The following CENPT variants were observed in gnomAD, a reference collection of about 807,000 sequenced individuals.
CENPT encodes centromere protein T.
A neutral mutation model predicts 59.7 loss-of-function variants in CENPT; 42 were observed. The ratio of observed to expected loss-of-function variants is 0.70; its 90% CI spans 0.55 to 0.91. The LOEUF is 0.91. Ranked by LOEUF, CENPT falls within the 40% of genes least tolerant of loss-of-function variation. CENPT has a pLI of 0.00. For missense variants in CENPT, 716 were observed against 713.4 expected (o/e 1.00, Z -0.04); for synonymous variants, 295 against 289.6 (o/e 1.02, Z -0.19).
intron 1 of CENPT, among the ~76,000 whole-genome samples, chr16:67,839,888 C>T (rs1007056955): frequency 6.6e-6 from 1 of 152,072 alleles, no homozygotes; most frequent in Non-Finnish European, 1.5e-5. Context: ...TAAATAAATA[C>T]ATAAGTAAAA....
intron 1 of CENPT, among the ~76,000 whole-genome samples, chr16:67,840,939 T>C (rs1321711636): frequency 6.7e-6 from 1 of 149,694 alleles, no homozygotes; most frequent in Non-Finnish European, 1.5e-5. Context: ...GCGAGCAGAT[T>C]GCCTGAGCTC....
chr16:67,842,983 C>A lies in CENPT; in HGVS notation c.-492+4418G>T. On this transcript the variant is annotated intron_variant, in intron 1 of 15. Coordinates refer to ENST00000562787, the MANE Select transcript of CENPT (RefSeq NM_025082.4). This position sits in a 1 kb window ranked among gnomAD's most constrained non-coding sequence, Gnocchi z 4.9. ...CCTCTGCCTCCACTGCCCAGACTGC[C>A]CAGCTGCAGCCGAACCTGGTATCTG... 1 of 1,612,234 alleles carries A rather than the reference C, an allele frequency of 6.2e-7. No homozygotes were observed.
chr16:67,832,505 A>G lies in CENPT; in HGVS notation c.151T>C (p.Leu51=). 1.2e-6 allele frequency: 2 copies of G among 1,613,980 alleles called. No homozygotes were observed. Among genetic ancestry groups the G allele is most frequent in the Non-Finnish European group, 1.7e-6 (2 of 1,179,974 alleles). ...ALLETASPRK[L]SGQTRTIARG... The stretch of plus-strand genomic sequence containing the variant: ...GCTATCGTCCTTGTTTGGCCACTCA[A>G]CTTCCTGGGGGAAGCCGTTTCAAGC... Residue 51 remains leucine, a synonymous_variant, in exon 5 of 16, where the codon TTG becomes CTG. Coordinates refer to ENST00000562787, the MANE Select transcript of CENPT (RefSeq NM_025082.4).
intron 3 of CENPT, 147 bp downstream of exon 3, chr16:67,835,025 G>C (rs1396270276): frequency 6.6e-6 from 1 of 152,098 alleles, no homozygotes; most frequent in African/African-American, 2.4e-5. Context: ...ATTTTAAGTA[G>C]AGACAGGGTT....
In CENPT at chr16:67,843,572, C is replaced by T; in HGVS notation, c.-492+3829G>A. The T allele has an allele frequency of 6.9e-7, 1 of 1,456,294 alleles. No homozygotes were observed. The highest frequency in any genetic ancestry group is 9.3e-7 in the Non-Finnish European group (1 of 1,073,494). The allele number at this position is 1,456,294 out of a possible 1,614,324, so 90.2% of individuals were successfully genotyped here. A position where few individuals can be genotyped will look rare whatever the true frequency, so the allele number is the denominator to read the frequency against. Reference sequence around the variant, plus strand: ...GGGACCGCAGGCCATTGTTGAACTCCTCTATACTCCTGGGCACTGGTTGAC... The same window carrying T: ...GGGACCGCAGGCCATTGTTGAACTCTTCTATACTCCTGGGCACTGGTTGAC... On this transcript the variant is annotated intron_variant, in intron 1 of 15. Transcript: ENST00000562787. The surrounding 1 kb of genome is among the most constrained non-coding windows in gnomAD (Gnocchi z 5.7).
chr16:67,838,621 C>CAA (rs768333473), intron 1 of CENPT, among the ~76,000 whole-genome samples: 1 of 112,566 alleles, frequency 8.9e-6, no homozygotes, highest in Admixed American at 9.4e-5. Flanking sequence ...GACTCCGTCT[C>CAA]AAAAAAAAAA....
chr16:67,840,168 A>T (rs1455979568), intron 1 of CENPT, among the ~76,000 whole-genome samples: 2 of 151,904 alleles, frequency 1.3e-5, no homozygotes, highest in African/African-American at 2.4e-5. Flanking sequence ...TACAAAAAAA[A>T]TTAGCCGGGC....
chr16:67,836,354 C>A (rs2057734808), intron 1 of CENPT, among the ~76,000 whole-genome samples: 1 of 152,156 alleles, frequency 6.6e-6, no homozygotes, highest in Non-Finnish European at 1.5e-5. Flanking sequence ...GCCACTACAC[C>A]CGGCCCCAGC....
In CENPT at chr16:67,842,609, A is replaced by C; in HGVS notation, c.-492+4792T>G. On this transcript the variant is annotated intron_variant, in intron 1 of 15. Transcript: ENST00000562787. The surrounding 1 kb of genome is among the most constrained non-coding windows in gnomAD (Gnocchi z 4.9). Reference sequence around the variant, plus strand: ...CTGCTACAACAACTCGCACCGGGACAAGGCGCTGCACTTCTACACGTTTCC... The same window carrying C: ...CTGCTACAACAACTCGCACCGGGACCAGGCGCTGCACTTCTACACGTTTCC... The C allele has an allele frequency of 6.4e-7, 1 of 1,550,598 alleles. No homozygotes were observed. The highest frequency in any genetic ancestry group is 8.7e-7 in the Non-Finnish European group (1 of 1,146,656).
In CENPT at chr16:67,842,444, A is replaced by T; in HGVS notation, c.-492+4957T>A. 1.2e-6 allele frequency: 1 copy of T among 825,038 alleles called. No homozygotes were observed. The highest frequency in any genetic ancestry group is 1.6e-6 in the Non-Finnish European group (1 of 624,708). The allele number at this position is 825,038 out of a possible 1,614,324, so 51.1% of individuals were successfully genotyped here. A position where few individuals can be genotyped will look rare whatever the true frequency, so the allele number is the denominator to read the frequency against. On this transcript the variant is annotated intron_variant, in intron 1 of 15. Transcript: ENST00000562787. The surrounding 1 kb of genome is among the most constrained non-coding windows in gnomAD (Gnocchi z 4.9). ...CGCCGAGCGGCAGTGGTGGGATACC[A>T]CCCAAGGCCTCGCGCGGCGCCGCCC...
intron 10 of CENPT, chr16:67,830,847 C>G: frequency 1.9e-6 from 1 of 519,348 alleles, no homozygotes; most frequent in South Asian, 2.4e-5. Flanking sequence ...TTGTTCTGCT[C>G]CGTCTTCCCA....
chr16:67,833,706 G>T (rs1269566742), intron 4 of CENPT, 44 bp downstream of exon 4: 1 of 1,234,516 alleles, frequency 8.1e-7, no homozygotes, highest in Non-Finnish European at 1.1e-6. Context: ...CCCACTCCCC[G>T]GTCCCTCTAG....
At chr16:67,834,209 A>G in intron 3 of CENPT, 109 bp from the exon 4 acceptor site, 1 of 227,982 alleles carries the variant, frequency 4.4e-6, no homozygotes, top group South Asian at 1.7e-4. Context: ...GGTAACTAGC[A>G]ATTGCTATTA....
chr16:67,836,475 T>C (rs528298217), intron 1 of CENPT, among the ~76,000 whole-genome samples: 2 of 151,360 alleles, frequency 1.3e-5, no homozygotes, highest in East Asian at 3.9e-4. Context: ...CTCGCTTTGT[T>C]GCCCAGGCTG....
chr16:67,829,075 A>G, intron 13 of CENPT: 3 of 539,672 alleles, frequency 5.6e-6, no homozygotes, highest in Admixed American at 3.7e-5. Context: ...GTTCAGACTT[A>G]TTATCTATAT....
At chr16:67,834,238 C>T (rs377130030) in intron 3 of CENPT, 138 bp from the exon 4 acceptor site, 35 of 185,120 alleles carry the variant, frequency 1.9e-4, no homozygotes, top group African/African-American at 7.0e-4. Context: ...CTCTCTCATT[C>T]CCATCTCCCT....
chr16:67,829,442 G>T lies in CENPT; in HGVS notation c.1261C>A (p.Pro421Thr). ...TCTTACACTGCAGCACCAGGCGCTGGGGCTGGCTCAAGAAACTGATGATGT... is the reference window on the plus strand; with the variant it reads ...TCTTACACTGCAGCACCAGGCGCTGTGGCTGGCTCAAGAAACTGATGATGT... ...RRHHQFLEPA[P>T]APGAAVLSSE... is the part of the protein sequence containing the mutation. The change falls in exon 13 of 16, where the codon CCA (proline) becomes ACA (threonine). Residue 421 changes from proline to threonine, a missense_variant. By Grantham distance (38) the Pro-to-Thr change is conservative (BLOSUM62 -1). Transcript: ENST00000562787. 6.3e-7 allele frequency: 1 copy of T among 1,582,954 alleles called. No homozygotes were observed. The highest frequency in any genetic ancestry group is 2.2e-5 in the East Asian group (1 of 44,708).
At chr16:67,831,523 C>T in intron 9 of CENPT, 53 bp downstream of exon 9, 1 of 1,605,726 alleles carries the variant, frequency 6.2e-7, no homozygotes, top group Non-Finnish European at 8.5e-7. Context: ...GCACCTCCCT[C>T]CCCAAGTCTC....
In CENPT at chr16:67,842,248, G is replaced by T. The variant is rs567409258; in HGVS notation, c.-492+5153C>A. The T allele has an allele frequency of 2.5e-4, 39 of 155,300 alleles. No homozygotes were observed. Among genetic ancestry groups the T allele is most frequent in the Non-Finnish European group, 7.1e-5 (5 of 69,980 alleles). The allele number at this position is 155,300 out of a possible 1,614,324, so 9.6% of individuals were successfully genotyped here. On this transcript the variant is annotated intron_variant, in intron 1 of 15. Coordinates refer to ENST00000562787, the MANE Select transcript of CENPT (RefSeq NM_025082.4). The surrounding 1 kb of genome is among the most constrained non-coding windows in gnomAD (Gnocchi z 4.9). ...GAATCCGCACACACCCGCCCCGGAA[G>T]TGAGCCGCTTCTGGCGCGGGGCATT...
Sources: gnomAD v4.1 joint callset for allele counts (sites outside exome capture counted in the v4.1 genomes callset) on GRCh38, gnomAD v4.1.1 for gene constraint, Gnocchi (gnomAD v3.1) non-coding constraint, MANE v1.5 for transcripts, NCBI Gene and HGNC (gene_info 2026-07-23, HGNC 2026-07-21) for gene names.